The following PCDHGA2 variants were observed in gnomAD, a reference collection of about 807,000 sequenced individuals.
The protein encoded by PCDHGA2 is protocadherin gamma subfamily A, 2, also known as protocadherin gamma-A2.
Under a neutral mutation model 59.2 loss-of-function variants are expected in PCDHGA2, and 40 were observed. The ratio of observed to expected loss-of-function variants is 0.68; its 90% CI spans 0.52 to 0.88. PCDHGA2 has a LOEUF of 0.88. Among genes scored for constraint, PCDHGA2 ranks in the 40% least tolerant of loss-of-function variants. PCDHGA2 has a pLI of 0.00. For missense variants in PCDHGA2, 1,226 were observed against 1,204.0 expected, an observed-to-expected ratio of 1.02 and a Z score of -0.27; for synonymous variants, 560 against 526.0, an observed-to-expected ratio of 1.06 and a Z score of -0.89.
At chr5:141,447,433 C>T (rs756021616) in intron 1 of PCDHGA2, among the ~76,000 whole-genome samples, 5 of 152,118 alleles carry the variant, frequency 3.3e-5, no homozygotes, top group African/African-American at 7.2e-5. Context: ...CCACCGCACC[C>T]GGAGGAAATT....
In PCDHGA2 at chr5:141,339,935, C is replaced by T; in HGVS notation, c.964C>T (p.Gln322Ter). ...ATFHEIDIEA[Q>*]DGPGLLTRAK... is the part of the protein sequence containing the mutation. Reference sequence around the variant, plus strand: ...ATTCCATGAAATTGATATTGAAGCTCAGGATGGTCCGGGCCTTCTAACCAG... The same window carrying T: ...ATTCCATGAAATTGATATTGAAGCTTAGGATGGTCCGGGCCTTCTAACCAG... Residue 322 changes from glutamine (Q) to a stop codon, truncating the protein, a stop_gained, in exon 1 of 4, where the codon CAG becomes TAG. Transcript: ENST00000394576. LOFTEE classifies it high-confidence loss of function. The T allele has an allele frequency of 6.2e-7, 1 of 1,614,142 alleles. No homozygotes were observed. Among genetic ancestry groups the T allele is most frequent in the Non-Finnish European group, 8.5e-7 (1 of 1,180,006 alleles).
rs1233148754 is a variant in PCDHGA2, at chr5:141,428,157, T to A, written c.2425-66650T>A. ...CCTGGGGCTGCACACGGGAACCTGC[T>A]GGTTGCTGTGCGTGACGGAGGACAG... On this transcript the variant is annotated intron_variant, in intron 1 of 3. Coordinates refer to ENST00000394576, the MANE Select transcript of PCDHGA2 (RefSeq NM_018915.4). The A allele has an allele frequency of 4.4e-6, 7 of 1,575,024 alleles. No individual in the cohort carries two copies. The East Asian group carries it at 1.6e-4, about 35-fold the overall frequency.
intron 1 of PCDHGA2, chr5:141,365,243 C>T: frequency 6.2e-7 from 1 of 1,613,982 alleles, no homozygotes; most frequent in Non-Finnish European, 8.5e-7. Context: ...CTCAACTCTA[C>T]AATCACTGGA....
At chr5:141,343,145 G>A (rs1158129827) in intron 1 of PCDHGA2, 1 of 232,534 alleles carries the variant, frequency 4.3e-6, no homozygotes, top group African/African-American at 2.3e-5. Context: ...CTCTGTGAAG[G>A]AAGCTACTGT....
rs888556794 is a variant in PCDHGA2 at position 141,493,414 on chromosome 5, A to T, written c.2425-1393A>T. Among the ~76,000 whole-genome samples, 2 of 152,058 alleles carry T rather than the reference A, an allele frequency of 1.3e-5. No individual in the cohort carries two copies. Among genetic ancestry groups the T allele is most frequent in the Admixed American group, 6.6e-5 (1 of 15,248 alleles). ...GGAGAGGGGAGTTGCCTCTGCTGGG[A>T]TTTTGCTTCTGCTGGGATGGGGCAA... On this transcript the variant is annotated intron_variant, in intron 1 of 3. Coordinates refer to ENST00000394576, the MANE Select transcript of PCDHGA2 (RefSeq NM_018915.4). The surrounding 1 kb of genome is among the most constrained non-coding windows in gnomAD (Gnocchi z 4.3).
chr5:141,410,844 TTTGTC>T, intron 1 of PCDHGA2: 1 of 422,400 alleles, frequency 2.4e-6, no homozygotes, highest in Non-Finnish European at 3.9e-6. Context: ...ATATTTTGTC[TTTGTC>T]TTTTTTTTTT....
chr5:141,408,328 C>A, intron 1 of PCDHGA2: 1 of 1,613,910 alleles, frequency 6.2e-7, no homozygotes, highest in South Asian at 1.1e-5. Flanking sequence ...AGGAGCTGGC[C>A]AAGGGCTCGG....
chr5:141,375,579 C>T (rs754106042), intron 1 of PCDHGA2: 6 of 1,613,996 alleles, frequency 3.7e-6, no homozygotes, highest in African/African-American at 2.7e-5. Context: ...CTCCAGGGGG[C>T]GCCCCTGTCC....
chr5:141,394,085 C>T, intron 1 of PCDHGA2: 3 of 1,613,886 alleles, frequency 1.9e-6, no homozygotes, highest in Non-Finnish European at 2.5e-6. Flanking sequence ...CAGTGATGGC[C>T]TCAGATCTAG....
intron 1 of PCDHGA2, among the ~76,000 whole-genome samples, chr5:141,451,107 C>G (rs768308463): frequency 1.2e-4 from 18 of 152,118 alleles, no homozygotes; most frequent in Non-Finnish European, 2.4e-4. Context: ...GGATTACAGG[C>G]GTGAGCCACC....
Position 141,339,267 on chromosome 5 carries a change from G to A in PCDHGA2, c.296G>A (p.Ser99Asn). Residue 99 changes from serine (S) to asparagine (N), a missense_variant, in exon 1 of 4, where the codon AGC becomes AAC. Transcript: ENST00000394576. The stretch of plus-strand genomic sequence containing the variant: ...GACCGGGAGGAGCTCTGCGCTCAGA[G>A]CGCACCCTGTCTGTTGAATTTTAAC... Reference protein sequence around the residue: ...RIDREELCAQSAPCLLNFNIL... With the variant: ...RIDREELCAQNAPCLLNFNIL... 6.2e-7 allele frequency: 1 copy of A among 1,614,258 alleles called. No homozygotes were observed. The highest frequency in any genetic ancestry group is 8.5e-7 in the Non-Finnish European group (1 of 1,180,046).
Position 141,403,041 on chromosome 5 carries a change from A to G in PCDHGA2, c.2424+61646A>G, listed in dbSNP as rs202099773. Reference sequence around the variant, plus strand: ...ATGCTATGGGAGGCCAGGGCCAGTCAGATTCGCTACTCAGTGCCTGAAGAG... The same window carrying G: ...ATGCTATGGGAGGCCAGGGCCAGTCGGATTCGCTACTCAGTGCCTGAAGAG... On this transcript the variant is annotated intron_variant, in intron 1 of 3. Transcript: ENST00000394576. 7.2e-5 allele frequency: 116 copies of G among 1,613,966 alleles called. No homozygotes were observed. Among genetic ancestry groups the G allele is most frequent in the Non-Finnish European group, 9.6e-5 (113 of 1,179,918 alleles).
intron 1 of PCDHGA2, chr5:141,384,230 A>G (rs771827146): frequency 1.2e-6 from 2 of 1,613,916 alleles, no homozygotes; most frequent in Admixed American, 3.3e-5. Flanking sequence ...CAGGTGGCAG[A>G]CACCAACGAT....
intron 1 of PCDHGA2, chr5:141,388,233 T>C (rs924261107): frequency 1.2e-6 from 2 of 1,608,114 alleles, no homozygotes; most frequent in South Asian, 1.1e-5. Flanking sequence ...ACTGAACTTT[T>C]ATCACGTGAA....
In PCDHGA2 at chr5:141,454,796, A is replaced by ATTTTTT. The variant is rs61612330; in HGVS notation, c.2425-39987_2425-39982dup. Among the ~76,000 whole-genome samples the ATTTTTT allele has an allele frequency of 4.9e-3, 381 of 77,456 alleles. 41 individuals carry two copies. The highest frequency in any genetic ancestry group is 0.011 in the African/African-American group (178 of 16,882). 50.8% of individuals were successfully genotyped at this position (77,456 alleles called of 152,430 possible). ...AAGGAAATAATCCTCCATGGTTCTA[A>ATTTTTT]TTTTTTTTTTTTTTTTTTTTTTTTT... On this transcript the variant is annotated intron_variant, in intron 1 of 3. Coordinates refer to ENST00000394576, the MANE Select transcript of PCDHGA2 (RefSeq NM_018915.4).
chr5:141,358,784 C>A (rs7722108), intron 1 of PCDHGA2, among the ~76,000 whole-genome samples: 8,101 of 152,166 alleles, frequency 0.053, 457 homozygotes, highest in African/African-American at 0.15. Flanking sequence ...GGTTGAGTTA[C>A]TTGGGTTCTG....
chr5:141,449,588 CAAAAAA>C (rs768743917), intron 1 of PCDHGA2, among the ~76,000 whole-genome samples: 1 of 57,492 alleles, frequency 1.7e-5, no homozygotes, highest in Admixed American at 1.8e-4. Flanking sequence ...GACTCTGTCT[CAAAAAA>C]AAAAAAAAAA....
intron 1 of PCDHGA2, chr5:141,383,938 G>A: frequency 6.2e-7 from 1 of 1,613,866 alleles, no homozygotes; most frequent in Non-Finnish European, 8.5e-7. Context: ...TGCTCCAGAA[G>A]TGACTATGAC....
At chr5:141,369,230 G>A (rs1003711294) in intron 1 of PCDHGA2, among the ~76,000 whole-genome samples, 4 of 152,068 alleles carry the variant, frequency 2.6e-5, no homozygotes, top group Non-Finnish European at 4.4e-5. Flanking sequence ...TGGACAGGAA[G>A]ATTACTTATA....
Sources: gnomAD v4.1 joint callset for allele counts (sites outside exome capture counted in the v4.1 genomes callset) on GRCh38, gnomAD v4.1.1 for gene constraint, Gnocchi (gnomAD v3.1) non-coding constraint, MANE v1.5 for transcripts, NCBI Gene and HGNC (gene_info 2026-07-23, HGNC 2026-07-21) for gene names.